ACOX2: variants seen among roughly 807,000 people sequenced by gnomAD.
ACOX2 encodes the protein peroxisomal acyl-coenzyme A oxidase 2.
ACOX2 carries 59 observed loss-of-function variants against 77.5 expected under a neutral mutation model. That is an observed-to-expected ratio of 0.76 (90% CI 0.62 to 0.95). The LOEUF (loss-of-function observed/expected upper bound fraction) is 0.95, where lower values mean the gene tolerates loss of function less well. Among genes scored for constraint, ACOX2 ranks in the 40% least tolerant of loss-of-function variants. The pLI, the probability that ACOX2 is intolerant of heterozygous loss-of-function variation, is 0.00. For synonymous variants in ACOX2, 317 were observed against 340.1 expected (o/e 0.93, Z 0.75); for missense variants, 837 against 880.4 (o/e 0.95, Z 0.62).
chr3:58,510,158 T>G (rs1467243925), intron 13 of ACOX2, among the ~76,000 whole-genome samples: 1 of 152,162 alleles, frequency 6.6e-6, no homozygotes, highest in Non-Finnish European at 1.5e-5. Flanking sequence ...ATTGACATTA[T>G]GATGATTGTG....
chr3:58,535,165 G>T lies in ACOX2; in HGVS notation c.-59C>A. The T allele has an allele frequency of 6.2e-7, 1 of 1,607,114 alleles. No individual in the cohort carries two copies. The highest frequency in any genetic ancestry group is 8.5e-7 in the Non-Finnish European group (1 of 1,174,454). On this transcript the variant is annotated 5_prime_UTR_variant, in exon 2 of 15. Coordinates refer to ENST00000302819, the MANE Select transcript of ACOX2 (RefSeq NM_003500.4). The surrounding 1 kb of genome is among the most constrained non-coding windows in gnomAD (Gnocchi z 4.8). ...ACACTTCCAACCCGGCTGCTCCGAG[G>T]GTCTGCTCTCAGCATTGGTCAGTGC...
chr3:58,509,467 C>T (rs2063261285), intron 13 of ACOX2, among the ~76,000 whole-genome samples: 1 of 151,550 alleles, frequency 6.6e-6, no homozygotes, highest in Non-Finnish European at 1.5e-5. Context: ...GCGGAGGTTG[C>T]AGTGAGTGGA....
At position 58,524,628 on chromosome 3, in the gene ACOX2, G is replaced by A. The variant is rs771019075; in HGVS notation, c.1347-23C>T. ...AACCTGGGGGTTGGAAGAGGAGGCAGGTGAGAGGGCAGAGACTCTGTGAGA... is the reference window on the plus strand; with the variant it reads ...AACCTGGGGGTTGGAAGAGGAGGCAAGTGAGAGGGCAGAGACTCTGTGAGA... On this transcript the variant is annotated intron_variant, in intron 10 of 14. Transcript: ENST00000302819. This position sits in a 1 kb window ranked among gnomAD's most constrained non-coding sequence, Gnocchi z 5.5. 17 of 1,610,724 alleles carry A rather than the reference G, an allele frequency of 1.1e-5. No individual in the cohort carries two copies. Among genetic ancestry groups the A allele is most frequent in the South Asian group, 9.9e-5 (9 of 90,978 alleles).
chr3:58,535,263 C>T lies in ACOX2; in HGVS notation c.-91-66G>A, dbSNP rs1393593386. 8.3e-6 allele frequency: 7 copies of T among 842,716 alleles called. No individual in the cohort carries two copies. Among genetic ancestry groups the T allele is most frequent in the Non-Finnish European group, 1.3e-5 (7 of 530,624 alleles). 52.2% of individuals were successfully genotyped at this position (842,716 alleles called of 1,614,324 possible). On this transcript the variant is annotated intron_variant, in intron 1 of 14. Transcript: ENST00000302819. This position sits in a 1 kb window ranked among gnomAD's most constrained non-coding sequence, Gnocchi z 4.8. ...GGGCTGGTTGGTAGAAGAAAGACAT[C>T]CCTAAGTACCTGAATGCCACTCCAC...
At position 58,528,749 on chromosome 3, in the gene ACOX2, C is replaced by T. The variant is rs773858349; in HGVS notation, c.1155+45G>A. The T allele has an allele frequency of 7.0e-6, 11 of 1,560,434 alleles. No homozygotes were observed. In the South Asian group the frequency reaches 7.4e-5, roughly 10 times the overall value. On this transcript the variant is annotated intron_variant, in intron 9 of 14. Transcript: ENST00000302819. This position sits in a 1 kb window ranked among gnomAD's most constrained non-coding sequence, Gnocchi z 5.6. ...TCCCCAGTGAGTGGAACAATCTTAGCTCCCAGCGCCTGCCAGCGCCTGCCC... is the reference window on the plus strand; with the variant it reads ...TCCCCAGTGAGTGGAACAATCTTAGTTCCCAGCGCCTGCCAGCGCCTGCCC...
chr3:58,535,352 T>C lies in ACOX2; in HGVS notation c.-91-155A>G. 1.8e-6 allele frequency: 1 copy of C among 557,708 alleles called. No homozygotes were observed. Among genetic ancestry groups the C allele is most frequent in the South Asian group, 2.3e-5 (1 of 43,504 alleles). 34.5% of individuals were successfully genotyped at this position (557,708 alleles called of 1,614,324 possible). On this transcript the variant is annotated intron_variant, in intron 1 of 14. Coordinates refer to ENST00000302819, the MANE Select transcript of ACOX2 (RefSeq NM_003500.4). The surrounding 1 kb of genome is among the most constrained non-coding windows in gnomAD (Gnocchi z 4.8). ...CACTGTGTGCATGGTAGGCATGGTA[T>C]GCAGCCATTGCTTGGTACATGTTTG...
chr3:58,516,796 T>C (rs1384153822), intron 13 of ACOX2, among the ~76,000 whole-genome samples: 2 of 152,024 alleles, frequency 1.3e-5, no homozygotes, highest in African/African-American at 4.8e-5. Context: ...AAGATTGTAC[T>C]ACTGCACTTT....
At position 58,535,166 on chromosome 3, in the gene ACOX2, G is replaced by T; in HGVS notation, c.-60C>A. 1.2e-6 allele frequency: 2 copies of T among 1,606,340 alleles called. No homozygotes were observed. Among genetic ancestry groups the T allele is most frequent in the East Asian group, 2.2e-5 (1 of 44,854 alleles). ...CACTTCCAACCCGGCTGCTCCGAGG[G>T]TCTGCTCTCAGCATTGGTCAGTGCA... On this transcript the variant is annotated 5_prime_UTR_variant, in exon 2 of 15. Coordinates refer to ENST00000302819, the MANE Select transcript of ACOX2 (RefSeq NM_003500.4). This position sits in a 1 kb window ranked among gnomAD's most constrained non-coding sequence, Gnocchi z 4.8.
chr3:58,535,742 C>A lies in ACOX2; in HGVS notation c.-91-545G>T, dbSNP rs1320235535. Among the ~76,000 whole-genome samples the A allele has an allele frequency of 6.6e-6, 1 of 152,168 alleles. No individual in the cohort carries two copies. The highest frequency in any genetic ancestry group is 1.5e-5 in the Non-Finnish European group (1 of 68,026). ...CTGAAGGGAGGAAGCCTTCTTCCTG[C>A]CTGTGAAGTGTTCCCCTGGAGCCCC... On this transcript the variant is annotated intron_variant, in intron 1 of 14. Coordinates refer to ENST00000302819, the MANE Select transcript of ACOX2 (RefSeq NM_003500.4). This position sits in a 1 kb window ranked among gnomAD's most constrained non-coding sequence, Gnocchi z 4.8.
At chr3:58,517,116 T>C in intron 13 of ACOX2, 90 bp downstream of exon 13, 1 of 1,404,392 alleles carries the variant, frequency 7.1e-7, no homozygotes, top group South Asian at 1.2e-5. Flanking sequence ...CTCTGCCCAT[T>C]AGCAAGGTTT....
In ACOX2 at chr3:58,533,534, A is replaced by G; in HGVS notation, c.494T>C (p.Leu165Pro). 1 of 1,613,990 alleles carries G rather than the reference A, an allele frequency of 6.2e-7. No individual in the cohort carries two copies. ...TGCGTCATAGGTGGCTTCAGTCTCCAGGCCCTGAAGATATGTCCCTTAGGA... is the reference window on the plus strand; with the variant it reads ...TGCGTCATAGGTGGCTTCAGTCTCCGGGCCCTGAAGATATGTCCCTTAGGA... ...ELGHGTYLQG[L>P]ETEATYDAAT... is the part of the protein sequence containing the mutation. The change falls in exon 5 of 15, where the codon CTG becomes CCG. Residue 165 changes from leucine to proline, a missense_variant. Coordinates refer to ENST00000302819, the MANE Select transcript of ACOX2 (RefSeq NM_003500.4). The surrounding 1 kb of genome is among the most constrained non-coding windows in gnomAD (Gnocchi z 5.6).
intron 13 of ACOX2, chr3:58,511,164 T>A (rs893490061): frequency 7.3e-5 from 29 of 399,790 alleles, no homozygotes; most frequent in Non-Finnish European, 1.3e-4. Flanking sequence ...TCCCTCCTTG[T>A]CTACTAGATG....
intron 13 of ACOX2, among the ~76,000 whole-genome samples, chr3:58,511,965 T>G (rs981450975): frequency 6.6e-6 from 1 of 152,126 alleles, no homozygotes; most frequent in African/African-American, 2.4e-5. Flanking sequence ...ACTGAGTACT[T>G]GGACCTCTTC....
At position 58,522,468 on chromosome 3, in the gene ACOX2, C is replaced by T. The variant is rs753129193; in HGVS notation, c.1632+28G>A. On this transcript the variant is annotated intron_variant, in intron 12 of 14. Coordinates refer to ENST00000302819, the MANE Select transcript of ACOX2 (RefSeq NM_003500.4). This position sits in a 1 kb window ranked among gnomAD's most constrained non-coding sequence, Gnocchi z 4.3. ...CCTGCCTGGGAAGCAAAATGGATCC[C>T]TTTCAGCTTCAGCTGGCAGGCGCTC... The T allele has an allele frequency of 2.5e-6, 4 of 1,608,748 alleles. No homozygotes were observed. The Admixed American group carries it at 5.0e-5, about 20-fold the overall frequency.
In ACOX2 at chr3:58,533,178, C is replaced by T. The variant is rs1170161430; in HGVS notation, c.583+267G>A. 6.6e-6 allele frequency among the ~76,000 whole-genome samples: 1 copy of T among 152,036 alleles called. No individual in the cohort carries two copies. Among genetic ancestry groups the T allele is most frequent in the Non-Finnish European group, 1.5e-5 (1 of 68,012 alleles). ...TTTGTGCGTGTGTGTGTGAGTGAGG[C>T]CTTGTCTCTCATGGATCGATTGTCT... On this transcript the variant is annotated intron_variant, in intron 5 of 14. Coordinates refer to ENST00000302819, the MANE Select transcript of ACOX2 (RefSeq NM_003500.4). This position sits in a 1 kb window ranked among gnomAD's most constrained non-coding sequence, Gnocchi z 5.6.
intron 5 of ACOX2, among the ~76,000 whole-genome samples, chr3:58,532,216 G>T (rs927703640): frequency 7.9e-5 from 12 of 152,084 alleles, no homozygotes; most frequent in Non-Finnish European, 1.5e-4. Context: ...ACACACTGAA[G>T]GTCATTGGCC....
Position 58,526,747 on chromosome 3 carries a change from G to A in ACOX2, c.1156-91C>T. Reference sequence around the variant, plus strand: ...CACCACTTACTGAGCATCTACTCATGCCCAGCTCAGCTCTGAGGTAAGAAG... The same window carrying A: ...CACCACTTACTGAGCATCTACTCATACCCAGCTCAGCTCTGAGGTAAGAAG... On this transcript the variant is annotated intron_variant, in intron 9 of 14. Transcript: ENST00000302819. The surrounding 1 kb of genome is among the most constrained non-coding windows in gnomAD (Gnocchi z 4.3). The A allele has an allele frequency of 7.4e-7, 1 of 1,350,878 alleles. No homozygotes were observed. The highest frequency in any genetic ancestry group is 1.0e-6 in the Non-Finnish European group (1 of 979,118). The allele number at this position is 1,350,878 out of a possible 1,614,324, so 83.7% of individuals were successfully genotyped here.
In ACOX2 at chr3:58,535,276, A is replaced by G; in HGVS notation, c.-91-79T>C. ...GAAGAAAGACATCCCTAAGTACCTG[A>G]ATGCCACTCCACCTCCCCACTCCCC... On this transcript the variant is annotated intron_variant, in intron 1 of 14. Transcript: ENST00000302819. This position sits in a 1 kb window ranked among gnomAD's most constrained non-coding sequence, Gnocchi z 4.8. 1.4e-6 allele frequency: 1 copy of G among 736,382 alleles called. No homozygotes were observed. The highest frequency in any genetic ancestry group is 2.6e-5 in the East Asian group (1 of 38,802). 45.6% of individuals were successfully genotyped at this position (736,382 alleles called of 1,614,324 possible).
intron 13 of ACOX2, chr3:58,511,780 A>G (rs904883065): frequency 2.0e-5 from 3 of 152,110 alleles, no homozygotes; most frequent in Admixed American, 6.6e-5. Flanking sequence ...CTTCTCCATC[A>G]CCTTGGCTCC....
Sources: gnomAD v4.1 joint callset for allele counts (sites outside exome capture counted in the v4.1 genomes callset) on GRCh38, gnomAD v4.1.1 for gene constraint, Gnocchi (gnomAD v3.1) non-coding constraint, MANE v1.5 for transcripts, NCBI Gene and HGNC (gene_info 2026-07-23, HGNC 2026-07-21) for gene names.